The following MAGI2 variants were observed in gnomAD, a reference collection of about 807,000 sequenced individuals.
MAGI2 encodes membrane associated guanylate kinase, WW and PDZ domain containing 2, also known as membrane-associated guanylate kinase, WW and PDZ domain-containing protein 2.
In MAGI2, 35 loss-of-function variants were observed where a neutral mutation model predicts 133.3. The observed-to-expected ratio is 0.26, with a 90% CI of 0.20 to 0.35. The LOEUF is 0.35. MAGI2 is among the 10% of genes least tolerant of loss of function. The pLI, the probability that MAGI2 is intolerant of heterozygous loss-of-function variation, is 1.00. For missense variants in MAGI2, 1,636 were observed against 1,863.4 expected, an observed-to-expected ratio of 0.88 and a Z score of 2.25; for synonymous variants, 729 against 710.6, an observed-to-expected ratio of 1.03 and a Z score of -0.41.
At chr7:79,357,719 C>G (rs936754214) in intron 1 of MAGI2, among the ~76,000 whole-genome samples, 1 of 152,122 alleles carries the variant, frequency 6.6e-6, no homozygotes, top group Non-Finnish European at 1.5e-5. Context: ...GGAACCCCAT[C>G]ACTTCCCACA....
intron 2 of MAGI2, among the ~76,000 whole-genome samples, chr7:79,004,450 G>T (rs1401977317): frequency 1.3e-5 from 2 of 152,280 alleles, no homozygotes; most frequent in Non-Finnish European, 2.9e-5. Flanking sequence ...AGAGGGTTAG[G>T]AGAGTGAGGA....
At chr7:79,068,942 T>A (rs1345367599) in intron 1 of MAGI2, among the ~76,000 whole-genome samples, 1 of 152,162 alleles carries the variant, frequency 6.6e-6, no homozygotes, top group Non-Finnish European at 1.5e-5. Context: ...GATTACACTG[T>A]GGTCTGAGAG....
intron 6 of MAGI2, among the ~76,000 whole-genome samples, chr7:78,378,414 G>GA: frequency 6.6e-6 from 1 of 151,984 alleles, no homozygotes; most frequent in East Asian, 1.9e-4. Context: ...CATATAGCCG[G>GA]AAAAATTGTC....
In MAGI2 at chr7:78,402,698, A is replaced by T. The variant is rs577635123; in HGVS notation, c.1046-33485T>A. Among the ~76,000 whole-genome samples, 8 of 152,356 alleles carry T rather than the reference A, an allele frequency of 5.3e-5. No homozygotes were observed. The South Asian group carries it at 1.7e-3, about 32-fold the overall frequency. ...ACAGATTAAACTTATAAGTCAACCA[A>T]CTAATTTTAATTCTTGCTCAAATTA... On this transcript the variant is annotated intron_variant, in intron 6 of 21. Transcript: ENST00000354212.
chr7:79,006,009 A>C (rs1807401441), intron 2 of MAGI2, among the ~76,000 whole-genome samples: 1 of 152,162 alleles, frequency 6.6e-6, no homozygotes, highest in South Asian at 2.1e-4. Context: ...TAGTGCTAAC[A>C]ATGGCAAAAG....
intron 2 of MAGI2, among the ~76,000 whole-genome samples, chr7:78,831,994 A>G (rs1040026400): frequency 6.6e-6 from 1 of 152,202 alleles, no homozygotes; most frequent in African/African-American, 2.4e-5. Context: ...CATTACCTGC[A>G]GAAAGAGCGA....
At chr7:79,292,770 C>CAAAAA (rs199933554) in intron 1 of MAGI2, among the ~76,000 whole-genome samples, 8,167 of 57,056 alleles carry the variant, frequency 0.14, 2,643 homozygotes, top group Non-Finnish European at 0.2. Flanking sequence ...TCAATTTCTG[C>CAAAAA]AAAAAAAAAA....
chr7:78,894,070 A>T (rs528637267), intron 2 of MAGI2, among the ~76,000 whole-genome samples: 2 of 152,312 alleles, frequency 1.3e-5, no homozygotes, highest in African/African-American at 4.8e-5. Context: ...ATTTTCAACA[A>T]GTTGTAGGAA....
intron 2 of MAGI2, among the ~76,000 whole-genome samples, chr7:78,777,004 G>A (rs1826038457): frequency 6.6e-6 from 1 of 152,148 alleles, no homozygotes; most frequent in African/African-American, 2.4e-5. Flanking sequence ...TTCTCACCCT[G>A]TCTCATAGGC....
At chr7:78,586,084 G>A (rs1242578659) in intron 3 of MAGI2, among the ~76,000 whole-genome samples, 1 of 152,146 alleles carries the variant, frequency 6.6e-6, no homozygotes, top group Admixed American at 6.5e-5. Context: ...GTATAATCAT[G>A]GTTGTCTTTC....
intron 3 of MAGI2, among the ~76,000 whole-genome samples, chr7:78,574,343 T>C (rs1802047553): frequency 6.6e-6 from 1 of 152,262 alleles, no homozygotes; most frequent in Non-Finnish European, 1.5e-5. Flanking sequence ...TCCCCTTTCC[T>C]GATTCTGAAA....
chr7:78,760,025 G>A (rs2151296923), intron 2 of MAGI2, among the ~76,000 whole-genome samples: 1 of 152,176 alleles, frequency 6.6e-6, no homozygotes, highest in East Asian at 1.9e-4. Context: ...TGAGGCAGAA[G>A]AATTGCTTGA....
chr7:78,896,526 G>C, intron 2 of MAGI2, among the ~76,000 whole-genome samples: 1 of 147,524 alleles, frequency 6.8e-6, no homozygotes, highest in Middle Eastern at 3.6e-3. Context: ...CTCTAAATGG[G>C]ATATATATAT....
At chr7:79,116,072 A>C (rs1361854113) in intron 1 of MAGI2, among the ~76,000 whole-genome samples, 1 of 152,070 alleles carries the variant, frequency 6.6e-6, no homozygotes, top group Non-Finnish European at 1.5e-5. Context: ...AATCCAAGAC[A>C]AAAACCAGCT....
chr7:79,024,853 A>C (rs1287513614), intron 1 of MAGI2, among the ~76,000 whole-genome samples: 1 of 148,618 alleles, frequency 6.7e-6, no homozygotes, highest in African/African-American at 2.5e-5. Context: ...TAAAAAAAAA[A>C]CACATGCTGG....
Position 79,089,416 on chromosome 7 carries a change from A to C in MAGI2, c.302-82210T>G, listed in dbSNP as rs112590826. Among the ~76,000 whole-genome samples, 709 of 152,228 alleles carry C rather than the reference A, an allele frequency of 4.7e-3. 8 individuals are homozygous for C. Among genetic ancestry groups the C allele is most frequent in the African/African-American group, 0.016 (665 of 41,548 alleles). On this transcript the variant is annotated intron_variant, in intron 1 of 21. Coordinates refer to ENST00000354212, the MANE Select transcript of MAGI2 (RefSeq NM_012301.4). ...TGTGGTGATTCCTCAAGGATCTAGA[A>C]CCAGAAATACCATTTGACCTAGCAA...
chr7:79,119,995 G>T (rs182364258), intron 1 of MAGI2, among the ~76,000 whole-genome samples: 11 of 152,060 alleles, frequency 7.2e-5, no homozygotes, highest in Admixed American at 5.2e-4. Context: ...TTCAAATTAG[G>T]CATTAACTGA....
intron 6 of MAGI2, among the ~76,000 whole-genome samples, chr7:78,471,314 C>T (rs1003398676): frequency 1.3e-5 from 2 of 152,040 alleles, no homozygotes; most frequent in Non-Finnish European, 2.9e-5. Flanking sequence ...ATTTTCAATG[C>T]CTTCTTTCCT....
At chr7:78,547,730 G>T (rs1393195788) in intron 3 of MAGI2, among the ~76,000 whole-genome samples, 1 of 152,224 alleles carries the variant, frequency 6.6e-6, no homozygotes, top group Non-Finnish European at 1.5e-5. Flanking sequence ...TGCAATGTGG[G>T]AGGAAACTGG....
Sources: gnomAD v4.1 joint callset for allele counts (sites outside exome capture counted in the v4.1 genomes callset) on GRCh38, gnomAD v4.1.1 for gene constraint, MANE v1.5 for transcripts, NCBI Gene and HGNC (gene_info 2026-07-23, HGNC 2026-07-21) for gene names.